The following NUBPL variants were observed in gnomAD, a reference collection of about 807,000 sequenced individuals.
NUBPL encodes the protein iron-sulfur cluster transfer protein NUBPL.
Under a neutral mutation model 45.7 loss-of-function variants are expected in NUBPL, and 31 were observed. That is an observed-to-expected ratio of 0.68 (90% confidence interval 0.51 to 0.92). The LOEUF (loss-of-function observed/expected upper bound fraction) is 0.92, where lower values mean the gene tolerates loss of function less well. Among genes scored for constraint, NUBPL ranks in the 40% least tolerant of loss-of-function variants. The pLI, the probability that NUBPL is intolerant of heterozygous loss-of-function variation, is 0.00. For missense variants in NUBPL, 401 were observed against 398.7 expected, an observed-to-expected ratio of 1.01 and a Z score of -0.05; for synonymous variants, 144 against 140.9, an observed-to-expected ratio of 1.02 and a Z score of -0.15.
intron 7 of NUBPL, among the ~76,000 whole-genome samples, chr14:31,825,468 CTCT>C (rs1305926749): frequency 5.9e-5 from 9 of 151,716 alleles, no homozygotes; most frequent in African/African-American, 2.2e-4. Context: ...CCTCCTCCTC[CTCT>C]TCTTTTCTTC....
chr14:31,692,594 T>C (rs2037117835), intron 6 of NUBPL, among the ~76,000 whole-genome samples: 1 of 152,346 alleles, frequency 6.6e-6, no homozygotes, highest in African/African-American at 2.4e-5. Flanking sequence ...TATAATGAGT[T>C]GGTTGTTTCC....
intron 4 of NUBPL, among the ~76,000 whole-genome samples, chr14:31,623,668 A>G (rs776014535): frequency 2.0e-4 from 31 of 152,206 alleles, no homozygotes; most frequent in Non-Finnish European, 3.8e-4. Flanking sequence ...AGGCCTGTCC[A>G]GTCACACAGA....
intron 9 of NUBPL, among the ~76,000 whole-genome samples, chr14:31,846,853 G>A (rs760862193): frequency 6.6e-5 from 10 of 152,068 alleles, no homozygotes; most frequent in Non-Finnish European, 1.3e-4. Context: ...CTACTCAGGA[G>A]GCTGAGGCAG....
chr14:31,668,365 G>A (rs958019595), intron 4 of NUBPL, among the ~76,000 whole-genome samples: 28 of 152,160 alleles, frequency 1.8e-4, no homozygotes, highest in African/African-American at 6.5e-4. Flanking sequence ...ACGGTGAGGG[G>A]AAAACCACCT....
At chr14:31,703,942 A>G (rs1240885945) in intron 6 of NUBPL, among the ~76,000 whole-genome samples, 1 of 152,210 alleles carries the variant, frequency 6.6e-6, no homozygotes, top group East Asian at 1.9e-4. Context: ...GAGAAGCAGT[A>G]TGATAATTGT....
chr14:31,598,953 T>C (rs571283429), intron 3 of NUBPL, among the ~76,000 whole-genome samples: 1 of 152,324 alleles, frequency 6.6e-6, no homozygotes, highest in South Asian at 2.1e-4. Flanking sequence ...TACATGTAAT[T>C]TGTTCTCAAA....
At chr14:31,804,419 A>G (rs12433471) in intron 7 of NUBPL, among the ~76,000 whole-genome samples, 57,695 of 151,966 alleles carry the variant, frequency 0.38, 12,105 homozygotes, top group South Asian at 0.47. Context: ...GCTTCCCCAG[A>G]TGATTCTTAT....
At chr14:31,725,227 C>T (rs1213909089) in intron 6 of NUBPL, among the ~76,000 whole-genome samples, 1 of 152,014 alleles carries the variant, frequency 6.6e-6, no homozygotes, top group African/African-American at 2.4e-5. Context: ...ACTCAAACAA[C>T]CCTGTGAGAT....
chr14:31,613,950 A>T (rs1017052163), intron 4 of NUBPL, among the ~76,000 whole-genome samples: 2 of 152,128 alleles, frequency 1.3e-5, no homozygotes, highest in Non-Finnish European at 2.9e-5. Flanking sequence ...ATATATATAT[A>T]TAGAAAATAA....
intron 7 of NUBPL, among the ~76,000 whole-genome samples, chr14:31,814,436 C>A (rs2138919487): frequency 6.6e-6 from 1 of 152,096 alleles, no homozygotes; most frequent in Admixed American, 6.5e-5. Context: ...GGATATTAAC[C>A]CATGTCAGAT....
intron 3 of NUBPL, among the ~76,000 whole-genome samples, chr14:31,589,631 G>T (rs747462427): frequency 1.3e-5 from 2 of 151,966 alleles, no homozygotes; most frequent in Non-Finnish European, 2.9e-5. Context: ...TCTTCTATTA[G>T]GTATTTTTCC....
intron 3 of NUBPL, chr14:31,577,940 G>GT (rs2033759070): frequency 7.8e-7 from 1 of 1,288,072 alleles, no homozygotes; most frequent in African/African-American, 1.5e-5. Context: ...TGCCATTAGA[G>GT]TGACCATGAC....
rs914548201 is a variant in NUBPL at position 31,653,686 on chromosome 14, C to T, written c.383-19669C>T. ...TTGTACAATAGTGGTCCTGAGGTGA[C>T]GTACATCCTCAGCTTATGAAGATAA... On this transcript the variant is annotated intron_variant, in intron 4 of 10. Coordinates refer to ENST00000281081, the MANE Select transcript of NUBPL (RefSeq NM_025152.3). 1.2e-4 allele frequency among the ~76,000 whole-genome samples: 18 copies of T among 152,062 alleles called. 1 individual carries two copies. The South Asian group carries it at 2.7e-3, about 23-fold the overall frequency.
intron 7 of NUBPL, among the ~76,000 whole-genome samples, chr14:31,803,013 G>T (rs2039621939): frequency 6.6e-6 from 1 of 152,178 alleles, no homozygotes; most frequent in Non-Finnish European, 1.5e-5. Context: ...AGTTAAACTT[G>T]CCTACCCTGA....
intron 6 of NUBPL, among the ~76,000 whole-genome samples, chr14:31,744,819 A>T (rs946093783): frequency 2.0e-5 from 3 of 151,702 alleles, no homozygotes; most frequent in Non-Finnish European, 2.9e-5. Context: ...ACAGGGTTTC[A>T]CCATGTTGGT....
At chr14:31,643,262 T>C (rs1700204801) in intron 4 of NUBPL, among the ~76,000 whole-genome samples, 1 of 152,160 alleles carries the variant, frequency 6.6e-6, no homozygotes, top group Non-Finnish European at 1.5e-5. Context: ...TTCATTTTTT[T>C]CTTTGTTCAA....
intron 7 of NUBPL, among the ~76,000 whole-genome samples, chr14:31,815,668 C>T (rs778085886): frequency 5.4e-4 from 82 of 152,026 alleles, no homozygotes; most frequent in African/African-American, 1.7e-3. Flanking sequence ...TACTGGCTGT[C>T]GGTTTGTGAT....
At chr14:31,780,086 G>A (rs1019018751) in intron 6 of NUBPL, among the ~76,000 whole-genome samples, 1 of 151,272 alleles carries the variant, frequency 6.6e-6, no homozygotes, top group Non-Finnish European at 1.5e-5. Flanking sequence ...TCCCTGAGAC[G>A]GGGTCTTGCT....
At chr14:31,773,174 C>T (rs1033685622) in intron 6 of NUBPL, among the ~76,000 whole-genome samples, 2 of 152,014 alleles carry the variant, frequency 1.3e-5, no homozygotes, top group African/African-American at 4.8e-5. Flanking sequence ...CAATTTTCTT[C>T]TTGCAATCAA....
Sources: allele counts gnomAD v4.1 joint callset (sites outside exome capture counted in the v4.1 genomes callset), GRCh38; gene constraint gnomAD v4.1.1; transcripts MANE v1.5; gene names NCBI Gene and HGNC (gene_info 2026-07-23, HGNC 2026-07-21).